LAMA2: variants seen among roughly 807,000 people sequenced by gnomAD.
LAMA2 encodes laminin subunit alpha-2.
LAMA2 carries 269 observed loss-of-function variants against 364.8 expected under a neutral mutation model. The ratio of observed to expected loss-of-function variants is 0.74; its 90% CI spans 0.67 to 0.82. The LOEUF (loss-of-function observed/expected upper bound fraction) is 0.82, where lower values mean the gene tolerates loss of function less well. Among genes scored for constraint, LAMA2 ranks in the 40% least tolerant of loss-of-function variants. The probability of loss-of-function intolerance (pLI) is 0.00; values close to 1 mark genes in which losing one functional copy is unlikely to be tolerated. For missense variants in LAMA2, 3,807 were observed against 3,873.2 expected (o/e 0.98, Z 0.45); for synonymous variants, 1,379 against 1,370.6 (o/e 1.01, Z -0.14).
At chr6:128,925,698 A>T (rs982915301) in intron 1 of LAMA2, among the ~76,000 whole-genome samples, 1 of 152,230 alleles carries the variant, frequency 6.6e-6, no homozygotes, top group African/African-American at 2.4e-5. Flanking sequence ...AAATAATTCA[A>T]AAGTAACATC....
intron 12 of LAMA2, among the ~76,000 whole-genome samples, chr6:129,245,420 C>T (rs182666889): frequency 7.9e-5 from 12 of 152,174 alleles, no homozygotes. Flanking sequence ...GTTCTATTGG[C>T]TGAACACACA....
chr6:129,300,646 A>C, intron 21 of LAMA2, 90 bp from the exon 22 acceptor site: 3 of 1,364,026 alleles, frequency 2.2e-6, no homozygotes, highest in Non-Finnish European at 3.1e-6. Flanking sequence ...AAAGAAAATA[A>C]GACAAACCAA....
intron 45 of LAMA2, among the ~76,000 whole-genome samples, chr6:129,449,393 A>G (rs941802144): frequency 2.0e-5 from 3 of 152,164 alleles, no homozygotes; most frequent in African/African-American, 7.2e-5. Context: ...GAGGAGGAAC[A>G]TTGTGCCCTC....
At chr6:129,126,423 C>T (rs1415190548) in intron 4 of LAMA2, among the ~76,000 whole-genome samples, 1 of 152,094 alleles carries the variant, frequency 6.6e-6, no homozygotes, top group Non-Finnish European at 1.5e-5. Flanking sequence ...AAGATACCAC[C>T]TTAGTTTTAC....
intron 29 of LAMA2, among the ~76,000 whole-genome samples, chr6:129,337,543 A>G (rs965322974): frequency 1.3e-5 from 2 of 152,148 alleles, no homozygotes; most frequent in African/African-American, 4.8e-5. Context: ...CAGCTTATGC[A>G]AGACGAAAAA....
At chr6:129,134,345 G>A (rs72990913) in intron 4 of LAMA2, among the ~76,000 whole-genome samples, 4,895 of 152,260 alleles carry the variant, frequency 0.032, 120 homozygotes, top group Non-Finnish European at 0.054. Flanking sequence ...TAAAGCATAC[G>A]TATTTTTGAA....
chr6:129,487,959 ATGTTAGGCCC>A (rs1311413457), intron 56 of LAMA2, among the ~76,000 whole-genome samples: 1 of 152,194 alleles, frequency 6.6e-6, no homozygotes, highest in East Asian at 1.9e-4. Flanking sequence ...TCTAGATTAG[ATGTTAGGCCC>A]TTTGACAAAC....
Position 129,260,816 on chromosome 6 carries a change from T to C in LAMA2, c.2202T>C (p.Ser734=). 6.3e-7 allele frequency: 1 copy of C among 1,583,832 alleles called. No individual in the cohort carries two copies. The highest frequency in any genetic ancestry group is 8.7e-7 in the Non-Finnish European group (1 of 1,152,600). ...CQCPPGYTGS[S]CESCWPRHRR... ...GCCCACCAGGGTATACTGGCTCCTC[T>C]TGTGAAGTAAGCTTGCAAGAATGTA... is the stretch of plus-strand genomic sequence containing the variant. The change falls in exon 15 of 65, where the codon TCT becomes TCC. Residue 734 remains serine (S), a synonymous_variant. Transcript: ENST00000421865.
chr6:129,252,366 G>T, intron 14 of LAMA2, 71 bp downstream of exon 14: 1 of 1,199,222 alleles, frequency 8.3e-7, no homozygotes, highest in South Asian at 1.2e-5. Flanking sequence ...GCCGCCCCAG[G>T]AGTGAATTTT....
intron 22 of LAMA2, among the ~76,000 whole-genome samples, chr6:129,312,401 C>T (rs547357768): frequency 6.6e-6 from 1 of 152,262 alleles, no homozygotes; most frequent in Non-Finnish European, 1.5e-5. Context: ...TTGGACTTCT[C>T]CTATTATATA....
intron 41 of LAMA2, among the ~76,000 whole-genome samples, chr6:129,433,170 A>G (rs1311407993): frequency 6.6e-6 from 1 of 152,220 alleles, no homozygotes; most frequent in Non-Finnish European, 1.5e-5. Flanking sequence ...AGAAATATAA[A>G]GGTTCAGGAA....
At chr6:129,366,604 T>C (rs1228296840) in intron 33 of LAMA2, among the ~76,000 whole-genome samples, 1 of 152,232 alleles carries the variant, frequency 6.6e-6, no homozygotes, top group East Asian at 1.9e-4. Context: ...AGTTTTATTA[T>C]GTCACTTAAA....
At chr6:129,272,729 A>C (rs265399) in intron 17 of LAMA2, among the ~76,000 whole-genome samples, 119,617 of 151,980 alleles carry the variant, frequency 0.79, 47,926 homozygotes, top group East Asian at 0.91. Flanking sequence ...GCAGGAAGTG[A>C]GTGGTTGGCA....
chr6:129,135,429 C>T (rs1313938984), intron 4 of LAMA2, among the ~76,000 whole-genome samples: 6 of 152,156 alleles, frequency 3.9e-5, no homozygotes, highest in African/African-American at 9.7e-5. Context: ...AGACTGGAAT[C>T]GAACACATTG....
intron 1 of LAMA2, among the ~76,000 whole-genome samples, chr6:128,902,983 A>G (rs1777184181): frequency 3.9e-5 from 6 of 152,204 alleles, no homozygotes; most frequent in Admixed American, 3.9e-4. Flanking sequence ...GACCAGTCAC[A>G]ACTTAGAATA....
intron 58 of LAMA2, among the ~76,000 whole-genome samples, chr6:129,500,406 T>C (rs2114881355): frequency 6.6e-6 from 1 of 152,326 alleles, no homozygotes; most frequent in African/African-American, 2.4e-5. Flanking sequence ...GGTTACATGT[T>C]AGAGTGATCA....
intron 17 of LAMA2, among the ~76,000 whole-genome samples, chr6:129,277,864 A>G (rs1788438179): frequency 6.6e-6 from 1 of 152,188 alleles, no homozygotes; most frequent in Non-Finnish European, 1.5e-5. Flanking sequence ...TTTAACTGAC[A>G]TGTGAGTGTA....
chr6:128,935,224 C>A (rs1779744292), intron 1 of LAMA2, among the ~76,000 whole-genome samples: 1 of 150,928 alleles, frequency 6.6e-6, no homozygotes, highest in Non-Finnish European at 1.5e-5. Flanking sequence ...GCCCCACACC[C>A]CCCCCAACAG....
At chr6:129,471,617 T>C (rs1210465205) in intron 51 of LAMA2, among the ~76,000 whole-genome samples, 1 of 151,886 alleles carries the variant, frequency 6.6e-6, no homozygotes, top group Non-Finnish European at 1.5e-5. Context: ...AAAAGGAATG[T>C]ATATGAAAAA....
Sources: gnomAD v4.1 joint callset for allele counts (sites outside exome capture counted in the v4.1 genomes callset) on GRCh38, gnomAD v4.1.1 for gene constraint, MANE v1.5 for transcripts, NCBI Gene and HGNC (gene_info 2026-07-23, HGNC 2026-07-21) for gene names.